RSAD1: variants seen among roughly 807,000 people sequenced by gnomAD.
RSAD1 encodes the protein radical S-adenosyl methionine domain containing 1, also known as radical S-adenosyl methionine domain-containing protein 1, mitochondrial.
RSAD1 carries 34 observed loss-of-function variants against 46.2 expected under a neutral mutation model. The observed-to-expected ratio is 0.74, with a 90% CI of 0.56 to 0.98. The LOEUF is 0.98. Among genes scored for constraint, RSAD1 ranks in the 50% least tolerant of loss-of-function variants. RSAD1 has a pLI of 0.00. For missense variants in RSAD1, 635 were observed against 592.3 expected (o/e 1.07, Z -0.75); for synonymous variants, 260 against 253.5 (o/e 1.03, Z -0.24).
intron 3 of RSAD1, among the ~76,000 whole-genome samples, chr17:50,481,675 G>C (rs973054618): frequency 6.6e-6 from 1 of 151,858 alleles, no homozygotes; most frequent in African/African-American, 2.4e-5. Flanking sequence ...CAAGATGAAG[G>C]TTTTTTTTGT....
chr17:50,483,433 T>A lies in RSAD1; in HGVS notation c.998T>A (p.Val333Glu). The change falls in exon 6 of 9, where the codon GTG (valine) becomes GAG (glutamate). Residue 333 changes from valine (V) to glutamate (E), a missense_variant. By Grantham distance (121) the Val-to-Glu change is moderately radical (BLOSUM62 -2). Transcript: ENST00000258955. ...TLEPDNWMKE[V>E]MLFGHGTRKR... Reference sequence around the variant, plus strand: ...GAGCCTGACAACTGGATGAAGGAGGTGATGCTGTTTGGCCATGGCACCCGG... The same window carrying A: ...GAGCCTGACAACTGGATGAAGGAGGAGATGCTGTTTGGCCATGGCACCCGG... 1 of 1,613,038 alleles carries A rather than the reference T, an allele frequency of 6.2e-7. No homozygotes were observed. The highest frequency in any genetic ancestry group is 8.5e-7 in the Non-Finnish European group (1 of 1,179,674).
chr17:50,485,672 C>G lies in RSAD1; in HGVS notation c.*811C>G, dbSNP rs1001075304. On this transcript the variant is annotated 3_prime_UTR_variant, in exon 9 of 9. Coordinates refer to ENST00000258955, the MANE Select transcript of RSAD1 (RefSeq NM_018346.3). ...TATGTTGGTGGATCCATGTATGTGT[C>G]CAGCACAGCGGCCTGCTGGACTCTG... The G allele has an allele frequency of 6.6e-6, 1 of 152,242 alleles. No homozygotes were observed. The highest frequency in any genetic ancestry group is 2.4e-5 in the African/African-American group (1 of 41,444). The allele number at this position is 152,242 out of a possible 1,614,324, so 9.4% of individuals were successfully genotyped here.
chr17:50,482,568 A>G, intron 4 of RSAD1, 75 bp from the exon 5 acceptor site: 2 of 1,612,942 alleles, frequency 1.2e-6, no homozygotes, highest in Admixed American at 3.3e-5. Context: ...GGACATTCTA[A>G]CCTGGGGCCC....
chr17:50,479,544 G>T (rs2033352440), intron 1 of RSAD1, 85 bp from the exon 2 acceptor site: 13 of 1,555,548 alleles, frequency 8.4e-6, no homozygotes, highest in Non-Finnish European at 1.1e-5. Flanking sequence ...GGATAGGGGT[G>T]GGGGTGGGGT....
In RSAD1 at chr17:50,484,438, C is replaced by G. The variant is rs1458247459; in HGVS notation, c.1108-4C>G. On this transcript the variant is annotated splice_region_variant and splice_polypyrimidine_tract_variant and intron_variant, in intron 7 of 8. Coordinates refer to ENST00000258955, the MANE Select transcript of RSAD1 (RefSeq NM_018346.3). ...CCCCACCTCTGACCCTCTGGCTTCC[C>G]CAGCACTGGCAGCAGTTTGAGCCCC... The G allele has an allele frequency of 6.2e-7, 1 of 1,613,208 alleles. No homozygotes were observed. The highest frequency in any genetic ancestry group is 2.2e-5 in the East Asian group (1 of 44,886).
intron 3 of RSAD1, 26 bp downstream of exon 3, chr17:50,480,110 C>T (rs753001474): frequency 6.2e-7 from 1 of 1,607,070 alleles, no homozygotes; most frequent in East Asian, 2.2e-5. Context: ...CACCCCATCC[C>T]AGTGCACCCC....
rs2033387114 is a variant in RSAD1 at position 50,482,159 on chromosome 17, G to A, written c.543G>A (p.Leu181=). The A allele has an allele frequency of 6.3e-7, 1 of 1,588,748 alleles. No individual in the cohort carries two copies. Among genetic ancestry groups the A allele is most frequent in the East Asian group, 2.3e-5 (1 of 44,306 alleles). Residue 181 remains leucine, a synonymous_variant, in exon 4 of 9, where the codon CTG becomes CTA. Transcript: ENST00000258955. ...THSACDALRT[L]AEARRLFPGR... is the part of the protein sequence containing the mutation. ...CGGCCTGCGATGCTCTGCGGACGCT[G>A]GCAGAGGCCCGGCGCCTCTTTCCCG...
intron 5 of RSAD1, 79 bp from the exon 6 acceptor site, chr17:50,483,261 C>A: frequency 6.9e-7 from 1 of 1,442,920 alleles, no homozygotes; most frequent in South Asian, 1.4e-5. Context: ...GCAGTTGCTC[C>A]AGGGACCACA....
Position 50,479,473 on chromosome 17 carries a change from G to T in RSAD1, c.136-156G>T, listed in dbSNP as rs183975831. On this transcript the variant is annotated intron_variant, in intron 1 of 8. Transcript: ENST00000258955. ...CATTGAAGTGGATGTAATAACCCCA[G>T]TGCGACCTGCCTTGGGGAGTTGTGT... The T allele has an allele frequency of 3.9e-4, 335 of 854,108 alleles. 1 individual carries two copies. The East Asian group carries it at 8.5e-3, about 22-fold the overall frequency. 52.9% of individuals were successfully genotyped at this position (854,108 alleles called of 1,614,324 possible). A position where few individuals can be genotyped will look rare whatever the true frequency, so the allele number is the denominator to read the frequency against.
At chr17:50,484,216 T>C (rs900631446) in intron 7 of RSAD1, 10 of 540,600 alleles carry the variant, frequency 1.8e-5, no homozygotes, top group Non-Finnish European at 3.3e-5. Context: ...AGAGGAGGCA[T>C]AGAGGAAGGC....
At chr17:50,479,815 G>C in intron 2 of RSAD1, 53 bp downstream of exon 2, 2 of 1,589,412 alleles carry the variant, frequency 1.3e-6, no homozygotes, top group South Asian at 2.3e-5. Context: ...GAGGAGTGGT[G>C]GGGGATAGGT....
chr17:50,480,430 A>G, intron 3 of RSAD1: 1 of 317,314 alleles, frequency 3.2e-6, no homozygotes. Context: ...GGGGGTCTCT[A>G]TAAAAGGCTT....
Position 50,480,375 on chromosome 17 carries a change from G to A in RSAD1, c.474+291G>A, listed in dbSNP as rs2033368367. 9.1e-6 allele frequency: 4 copies of A among 438,054 alleles called. No homozygotes were observed. In the Middle Eastern group the frequency reaches 2.0e-3, roughly 221 times the overall value. The allele number at this position is 438,054 out of a possible 1,614,324, so 27.1% of individuals were successfully genotyped here. A position where few individuals can be genotyped will look rare whatever the true frequency, so the allele number is the denominator to read the frequency against. ...TTTGCTACATGACACGGGAGACGCA[G>A]ACATGTAGCCAGATTATTGCAGCAT... is the stretch of plus-strand genomic sequence containing the variant. On this transcript the variant is annotated intron_variant, in intron 3 of 8. Coordinates refer to ENST00000258955, the MANE Select transcript of RSAD1 (RefSeq NM_018346.3).
Position 50,478,873 on chromosome 17 carries a change from G to GCGCTC in RSAD1, c.-8_-7insCCGCT, listed in dbSNP as rs1488050829. On this transcript the variant is annotated 5_prime_UTR_variant, in exon 1 of 9. Coordinates refer to ENST00000258955, the MANE Select transcript of RSAD1 (RefSeq NM_018346.3). ...CCTGCTCGGGTCAGTGCGCCGCGCT[G>GCGCTC]CGCTGGGCGCCATGGCGCTCCCCGG... 2.5e-5 allele frequency: 32 copies of GCGCTC among 1,292,340 alleles called. No individual in the cohort carries two copies. Among genetic ancestry groups the GCGCTC allele is most frequent in the Non-Finnish European group, 3.1e-5 (32 of 1,025,586 alleles). 80.1% of individuals were successfully genotyped at this position (1,292,340 alleles called of 1,614,324 possible). A position where few individuals can be genotyped will look rare whatever the true frequency, so the allele number is the denominator to read the frequency against.
intron 5 of RSAD1, 126 bp from the exon 6 acceptor site, chr17:50,483,189 AAAAGAAAGAAAGAAAGAAAGAAAAG>A: frequency 3.8e-6 from 1 of 264,318 alleles, no homozygotes; most frequent in Non-Finnish European, 5.7e-6. Flanking sequence ...AAAAAAAAAA[AAAAGAAAGAAAGAAAGAAAGAAAAG>A]AAAAGAAAAA....
rs572785260 is a variant in RSAD1 at position 50,483,583 on chromosome 17, C to T, written c.1052+96C>T. ...TTTTATTTCCTGTCTTGTCCTGGCCCCTGCCTTGCCACATACTGTATGGTC... is the reference window on the plus strand; with the variant it reads ...TTTTATTTCCTGTCTTGTCCTGGCCTCTGCCTTGCCACATACTGTATGGTC... On this transcript the variant is annotated intron_variant, in intron 6 of 8. Coordinates refer to ENST00000258955, the MANE Select transcript of RSAD1 (RefSeq NM_018346.3). 36 of 1,590,174 alleles carry T rather than the reference C, an allele frequency of 2.3e-5. No homozygotes were observed. The South Asian group carries it at 3.5e-4, about 15-fold the overall frequency.
chr17:50,481,494 A>T (rs2033379476), intron 3 of RSAD1, among the ~76,000 whole-genome samples: 1 of 152,258 alleles, frequency 6.6e-6, no homozygotes. Context: ...CTTAAATTTA[A>T]ATAACCACAT....
chr17:50,480,108 C>T, intron 3 of RSAD1, 24 bp downstream of exon 3: 2 of 1,606,832 alleles, frequency 1.2e-6, no homozygotes, highest in Non-Finnish European at 1.7e-6. Context: ...CTCACCCCAT[C>T]CCAGTGCACC....
intron 3 of RSAD1, 46 bp from the exon 4 acceptor site, chr17:50,482,045 C>T (rs1421033223): frequency 6.7e-7 from 1 of 1,485,478 alleles, no homozygotes; most frequent in South Asian, 1.4e-5. Context: ...GGGTTCTTGT[C>T]TCTCTCTGAG....
Sources: allele counts gnomAD v4.1 joint callset (sites outside exome capture counted in the v4.1 genomes callset), GRCh38; gene constraint gnomAD v4.1.1; transcripts MANE v1.5; gene names NCBI Gene and HGNC (gene_info 2026-07-23, HGNC 2026-07-21).